The following PTGES variants were observed in gnomAD, a reference collection of about 807,000 sequenced individuals.
The protein encoded by PTGES is MGST1-like 1.
PTGES carries 3 observed loss-of-function variants against 11.8 expected under a neutral mutation model. The observed-to-expected ratio is 0.25, with a 90% CI of 0.12 to 0.66. PTGES has a LOEUF of 0.66. Ranked by LOEUF, PTGES falls within the 30% of genes least tolerant of loss-of-function variation. The pLI is 0.82. For missense variants in PTGES, 180 were observed against 213.0 expected, an observed-to-expected ratio of 0.85 and a Z score of 0.96; for synonymous variants, 94 against 90.4, an observed-to-expected ratio of 1.04 and a Z score of -0.22.
intron 1 of PTGES, among the ~76,000 whole-genome samples, chr9:129,751,395 T>C (rs1833106255): frequency 6.8e-6 from 1 of 146,450 alleles, no homozygotes; most frequent in Admixed American, 6.8e-5. Flanking sequence ...AACCCAGGCC[T>C]CAGCCAGGTG....
At chr9:129,748,009 C>CAAAAAAAAA (rs71497492) in intron 2 of PTGES, among the ~76,000 whole-genome samples, 1 of 23,426 alleles carries the variant, frequency 4.3e-5, no homozygotes, top group Non-Finnish European at 8.7e-5. Context: ...GACTCTGTCT[C>CAAAAAAAAA]AAAAAAAAAA....
At chr9:129,742,345 A>AC (rs71497490) in intron 2 of PTGES, among the ~76,000 whole-genome samples, 8,730 of 149,406 alleles carry the variant, frequency 0.058, 560 homozygotes, top group African/African-American at 0.15. Flanking sequence ...AAAAAAAAAA[A>AC]AAAAACATAA....
In PTGES at chr9:129,739,485, G is replaced by A. The variant is rs41312196; in HGVS notation, c.*126C>T. 18,999 of 1,350,804 alleles carry A rather than the reference G, an allele frequency of 0.014. 163 individuals carry two copies. The highest frequency in any genetic ancestry group is 0.025 in the Middle Eastern group (93 of 3,744). The allele number at this position is 1,350,804 out of a possible 1,614,324, so 83.7% of individuals were successfully genotyped here. On this transcript the variant is annotated 3_prime_UTR_variant, in exon 3 of 3. Transcript: ENST00000340607. This position sits in a 1 kb window ranked among gnomAD's most constrained non-coding sequence, Gnocchi z 5.7. ...CCACTGTGCCCAGAGACCCACACGC[G>A]CAGCAGGCTGCCAGGAAACCAGGAC...
chr9:129,748,009 CAAAAAAAAAA>C (rs71497492), intron 2 of PTGES, among the ~76,000 whole-genome samples: 7 of 23,426 alleles, frequency 3.0e-4, no homozygotes, highest in Admixed American at 2.3e-3. Flanking sequence ...GACTCTGTCT[CAAAAAAAAAA>C]AAAAAAAAAA....
intron 1 of PTGES, among the ~76,000 whole-genome samples, chr9:129,750,836 CTGTGA>C (rs1833096367): frequency 6.6e-6 from 1 of 152,178 alleles, no homozygotes; most frequent in Non-Finnish European, 1.5e-5. Flanking sequence ...GAGCCAGGGC[CTGTGA>C]CTGTCACCTC....
In PTGES at chr9:129,752,944, C is replaced by G; in HGVS notation, c.69G>C (p.Leu23=). The G allele has an allele frequency of 6.2e-7, 1 of 1,613,264 alleles. No homozygotes were observed. Among genetic ancestry groups the G allele is most frequent in the South Asian group, 1.1e-5 (1 of 91,088 alleles). ...LPAFLLCSTL[L]VIKMYVVAII... ...TGGCCACCACGTACATCTTGATGAC[C>G]AGCAGCGTGCTGCAGAGCAGGAAGG... is the stretch of plus-strand genomic sequence containing the variant. The change falls in exon 1 of 3, where the codon CTG becomes CTC. Residue 23 remains leucine, a synonymous_variant. Transcript: ENST00000340607.
intron 2 of PTGES, among the ~76,000 whole-genome samples, chr9:129,742,739 G>A (rs963226031): frequency 6.6e-6 from 1 of 151,944 alleles, no homozygotes; most frequent in African/African-American, 2.4e-5. Flanking sequence ...AGGCGTGGTG[G>A]CAGGCGCCTG....
intron 1 of PTGES, among the ~76,000 whole-genome samples, chr9:129,751,683 AC>A (rs1215186741): frequency 2.0e-5 from 3 of 151,122 alleles, no homozygotes; most frequent in African/African-American, 7.3e-5. Flanking sequence ...CAAAACAGAA[AC>A]CCCCGCCTCC....
intron 1 of PTGES, chr9:129,749,530 C>G (rs149710253): frequency 0.013 from 2,001 of 152,110 alleles, 26 homozygotes; most frequent in Non-Finnish European, 0.022. Flanking sequence ...CCTGTGGTCC[C>G]AGCTACTTGG....
rs777925083 is a variant in PTGES, at chr9:129,745,801, A to AG, written c.209+2853dup. Among the ~76,000 whole-genome samples the AG allele has an allele frequency of 6.6e-6, 1 of 152,158 alleles. No homozygotes were observed. The highest frequency in any genetic ancestry group is 1.5e-5 in the Non-Finnish European group (1 of 68,034). Reference sequence around the variant, plus strand: ...TCCCAGCACTTTGGAAGCCCGAGGCAGGTGGATCACCTGAGGTCAGGAGTT... The same window carrying AG: ...TCCCAGCACTTTGGAAGCCCGAGGCAGGGTGGATCACCTGAGGTCAGGAGTT... On this transcript the variant is annotated intron_variant, in intron 2 of 2. Coordinates refer to ENST00000340607, the MANE Select transcript of PTGES (RefSeq NM_004878.5). The surrounding 1 kb of genome is among the most constrained non-coding windows in gnomAD (Gnocchi z 4.2).
At chr9:129,744,833 C>A (rs1057410000) in intron 2 of PTGES, among the ~76,000 whole-genome samples, 1 of 150,042 alleles carries the variant, frequency 6.7e-6, no homozygotes, top group African/African-American at 2.5e-5. Flanking sequence ...GCCGAAACCA[C>A]GCTATTGCAC....
At chr9:129,751,345 A>C (rs1233742541) in intron 1 of PTGES, among the ~76,000 whole-genome samples, 3,326 of 129,326 alleles carry the variant, frequency 0.026, 139 homozygotes, top group African/African-American at 0.11. Context: ...ATAATAATTA[A>C]AAAAAAAAAA....
rs200585549 is a variant in PTGES at position 129,748,623 on chromosome 9, G to A, written c.209+32C>T. On this transcript the variant is annotated intron_variant, in intron 2 of 2. Transcript: ENST00000340607. ...TTCTGAAAGGGCAGGCCATGGCCAG[G>A]TGTGGCCAGGCCAGGGGCCCGAAGT... 63 of 1,519,772 alleles carry A rather than the reference G, an allele frequency of 4.1e-5. No homozygotes were observed. In the African/African-American group the frequency reaches 6.6e-4, roughly 16 times the overall value. 94.1% of individuals were successfully genotyped at this position (1,519,772 alleles called of 1,614,324 possible). A position where few individuals can be genotyped will look rare whatever the true frequency, so the allele number is the denominator to read the frequency against.
intron 2 of PTGES, among the ~76,000 whole-genome samples, chr9:129,743,151 C>T (rs1038434585): frequency 2.0e-5 from 3 of 152,160 alleles, no homozygotes; most frequent in Admixed American, 6.5e-5. Flanking sequence ...CGGTCACCAG[C>T]GTGGGAGGAG....
chr9:129,744,743 G>GGC (rs1313623432), intron 2 of PTGES, among the ~76,000 whole-genome samples: 1 of 151,886 alleles, frequency 6.6e-6, no homozygotes, highest in African/African-American at 2.4e-5. Flanking sequence ...CAGGAGTGGT[G>GGC]GCGCGCACCT....
At position 129,738,587 on chromosome 9, in the gene PTGES, A is replaced by C. The variant is rs376567249; in HGVS notation, c.*1024T>G. On this transcript the variant is annotated 3_prime_UTR_variant, in exon 3 of 3. Coordinates refer to ENST00000340607, the MANE Select transcript of PTGES (RefSeq NM_004878.5). The surrounding 1 kb of genome is among the most constrained non-coding windows in gnomAD (Gnocchi z 4.2). ...CACCCACTGCCCTTTGGAGGGACTC[A>C]AACCTTGGGAGGAGAAGGCTGAGCT... 1 of 152,304 alleles carries C rather than the reference A, an allele frequency of 6.6e-6. No individual in the cohort carries two copies. Among genetic ancestry groups the C allele is most frequent in the South Asian group, 2.1e-4 (1 of 4,830 alleles). The allele number at this position is 152,304 out of a possible 1,614,324, so 9.4% of individuals were successfully genotyped here.
chr9:129,752,162 A>G (rs1816387689), intron 1 of PTGES, among the ~76,000 whole-genome samples: 1 of 152,224 alleles, frequency 6.6e-6, no homozygotes, highest in South Asian at 2.1e-4. Context: ...GGGAAGACAG[A>G]GACAGTTTCA....
chr9:129,752,098 C>T (rs1014022899), intron 1 of PTGES, among the ~76,000 whole-genome samples: 20 of 152,224 alleles, frequency 1.3e-4, no homozygotes, highest in African/African-American at 4.8e-4. Context: ...AGGATCCACC[C>T]GCATGCAGTG....
In PTGES at chr9:129,739,751, G is replaced by T; in HGVS notation, c.319C>A (p.Leu107Ile). The change falls in exon 3 of 3, where the codon CTC becomes ATC. Residue 107 changes from leucine to isoleucine, a missense_variant. By Grantham distance (5) the Leu-to-Ile change is conservative. Transcript: ENST00000340607. The surrounding 1 kb of genome is among the most constrained non-coding windows in gnomAD (Gnocchi z 5.7). Reference protein sequence around the residue: ...FVAWMHFLVFLVGRVAHTVAY... With the variant: ...FVAWMHFLVFIVGRVAHTVAY... ...ACGGTGTGTGCCACACGGCCCACGA[G>T]GAAGACCAGGAAGTGCATCCAGGCG... 1 of 1,581,024 alleles carries T rather than the reference G, an allele frequency of 6.3e-7. No homozygotes were observed. Among genetic ancestry groups the T allele is most frequent in the East Asian group, 2.3e-5 (1 of 43,260 alleles).
Sources: gnomAD v4.1 joint callset for allele counts (sites outside exome capture counted in the v4.1 genomes callset) on GRCh38, gnomAD v4.1.1 for gene constraint, Gnocchi (gnomAD v3.1) non-coding constraint, MANE v1.5 for transcripts, NCBI Gene and HGNC (gene_info 2026-07-23, HGNC 2026-07-21) for gene names.